GUCY2D: variants seen among roughly 807,000 people sequenced by gnomAD.
GUCY2D encodes guanylate cyclase 2D, retinal.
A neutral mutation model predicts 101.3 loss-of-function variants in GUCY2D; 70 were observed. The observed-to-expected ratio is 0.69, with a 90% CI of 0.57 to 0.84. The LOEUF (loss-of-function observed/expected upper bound fraction) is 0.84. Among genes scored for constraint, GUCY2D ranks in the 40% least tolerant of loss-of-function variants. The pLI, the probability that GUCY2D is intolerant of heterozygous loss-of-function variation, is 0.00. For synonymous variants in GUCY2D, 688 were observed against 670.7 expected (o/e 1.03, Z -0.40); for missense variants, 1,460 against 1,542.5 (o/e 0.95, Z 0.90).
Position 8,013,327 on chromosome 17 carries a change from C to T in GUCY2D, c.2263+75C>T. 6.9e-7 allele frequency: 1 copy of T among 1,444,364 alleles called. No homozygotes were observed. Among genetic ancestry groups the T allele is most frequent in the Non-Finnish European group, 9.6e-7 (1 of 1,036,442 alleles). 89.5% of individuals were successfully genotyped at this position (1,444,364 alleles called of 1,614,324 possible). ...TAGAAAAGAGCCAGCCTCACTCTTT[C>T]CTCTAAAGCAAAGCCCAGTGATGAA... On this transcript the variant is annotated intron_variant, in intron 11 of 19. Transcript: ENST00000254854. This position sits in a 1 kb window ranked among gnomAD's most constrained non-coding sequence, Gnocchi z 5.0.
chr17:8,004,127 G>C lies in GUCY2D; in HGVS notation c.997G>C (p.Glu333Gln), dbSNP rs755999834. The change falls in exon 3 of 20, where the codon GAG (glutamate) becomes CAG (glutamine). Residue 333 changes from glutamate (E) to glutamine (Q), a missense_variant. Glu to Gln is a conservative substitution (Grantham distance 29, BLOSUM62 2). Transcript: ENST00000254854. The part of the protein sequence containing the change: ...DSLRRAQERR[E>Q]LPSDLNLQQV... Reference sequence around the variant, plus strand: ...CCTGCGCAGGGCTCAAGAGCGCCGCGAGCTGCCCTCTGACCTCAATCTGCA... The same window carrying C: ...CCTGCGCAGGGCTCAAGAGCGCCGCCAGCTGCCCTCTGACCTCAATCTGCA... 2.5e-6 allele frequency: 4 copies of C among 1,596,978 alleles called. No individual in the cohort carries two copies. Among genetic ancestry groups the C allele is most frequent in the Non-Finnish European group, 3.4e-6 (4 of 1,177,264 alleles).
intron 10 of GUCY2D, 127 bp downstream of exon 10, chr17:8,012,733 C>A: frequency 1.2e-6 from 1 of 818,684 alleles, no homozygotes; most frequent in Non-Finnish European, 2.0e-6. Flanking sequence ...ACAATTCCTG[C>A]TACAGAAAAG....
At position 8,015,804 on chromosome 17, in the gene GUCY2D, G is replaced by A. The variant is rs764749298; in HGVS notation, c.3006G>A (p.Thr1002=). The A allele has an allele frequency of 1.1e-5, 18 of 1,612,778 alleles. No individual in the cohort carries two copies. In the Admixed American group the frequency reaches 1.7e-4, roughly 15 times the overall value. ...TMPRYCLFGD[T]VNTASRMEST... ...CGCGGTACTGCCTGTTTGGGGACACGGTCAACACCGCCTCGCGCATGGAGT... is the reference window on the plus strand; with the variant it reads ...CGCGGTACTGCCTGTTTGGGGACACAGTCAACACCGCCTCGCGCATGGAGT... The change falls in exon 16 of 20, where the codon ACG becomes ACA. Residue 1002 remains threonine (T), a synonymous_variant. Transcript: ENST00000254854.
In GUCY2D at chr17:8,003,877, G is replaced by A. The variant is rs148987106; in HGVS notation, c.747G>A (p.Val249=). 1.2e-6 allele frequency: 2 copies of A among 1,613,166 alleles called. No individual in the cohort carries two copies. Among genetic ancestry groups the A allele is most frequent in the Non-Finnish European group, 1.7e-6 (2 of 1,179,842 alleles). ...VTAVIMVMHS[V]LLGGEEQRYL... is the part of the protein sequence containing the mutation. ...CAGTGATCATGGTGATGCACTCGGTGCTGCTGGGTGGCGAGGAGCAGCGCT... is the reference window on the plus strand; with the variant it reads ...CAGTGATCATGGTGATGCACTCGGTACTGCTGGGTGGCGAGGAGCAGCGCT... Residue 249 remains valine (V), a synonymous_variant, in exon 3 of 20, where the codon GTG becomes GTA. Coordinates refer to ENST00000254854, the MANE Select transcript of GUCY2D (RefSeq NM_000180.4).
intron 10 of GUCY2D, 109 bp downstream of exon 10, chr17:8,012,715 C>A: frequency 1.1e-6 from 1 of 869,968 alleles, no homozygotes; most frequent in Non-Finnish European, 1.9e-6. Flanking sequence ...ATCCCACATC[C>A]ACCAGACACA....
At position 8,011,314 on chromosome 17, in the gene GUCY2D, G is replaced by A. The variant is rs1419982563; in HGVS notation, c.1750-830G>A. On this transcript the variant is annotated intron_variant, in intron 8 of 19. Coordinates refer to ENST00000254854, the MANE Select transcript of GUCY2D (RefSeq NM_000180.4). The surrounding 1 kb of genome is among the most constrained non-coding windows in gnomAD (Gnocchi z 4.3). ...GAATCGCTTGAGCTCAGGATGCGGA[G>A]GTTGCAGTGACCCGAGATTGCACGA... Among the ~76,000 whole-genome samples the A allele has an allele frequency of 1.3e-5, 2 of 152,134 alleles. No homozygotes were observed. The highest frequency in any genetic ancestry group is 2.9e-5 in the Non-Finnish European group (2 of 68,020).
chr17:8,016,620 C>T, intron 19 of GUCY2D, 66 bp downstream of exon 19: 7 of 803,850 alleles, frequency 8.7e-6, no homozygotes, highest in South Asian at 7.5e-5. Flanking sequence ...ACGTCCCACC[C>T]AAGCCAGGTG....
Position 8,012,586 on chromosome 17 carries a change from C to G in GUCY2D, c.2093C>G (p.Pro698Arg), listed in dbSNP as rs200128473. 31 of 1,613,612 alleles carry G rather than the reference C, an allele frequency of 1.9e-5. No individual in the cohort carries two copies. The East Asian group carries it at 6.2e-4, about 32-fold the overall frequency. Residue 698 changes from proline (P) to arginine (R), a missense_variant, in exon 10 of 20, where the codon CCG becomes CGG. By Grantham distance (103) the Pro-to-Arg change is moderately radical. Around this residue, in one of 3 missense-constraint regions of GUCY2D, gnomAD observed 1,196 missense variants for 1,229.6 expected, o/e 0.97. Coordinates refer to ENST00000254854, the MANE Select transcript of GUCY2D (RefSeq NM_000180.4). ...CTGCTGGAAGCACAGAAGGTGCTAC[C>G]GGAGCCTCCCAGAGCGGAGGGTAAG... is the stretch of plus-strand genomic sequence containing the variant. ...GRLLEAQKVL[P>R]EPPRAEDQLW...
In GUCY2D at chr17:8,002,684, G is replaced by C; in HGVS notation, c.-60G>C. The stretch of plus-strand genomic sequence containing the variant: ...TGGGCGGGCGTCAAAAGGGGGACCG[G>C]CCCTGTGACCCCTCACCGGGGGCCG... On this transcript the variant is annotated 5_prime_UTR_variant, in exon 1 of 20. Transcript: ENST00000254854. This position sits in a 1 kb window ranked among gnomAD's most constrained non-coding sequence, Gnocchi z 4.9. 1 of 222,186 alleles carries C rather than the reference G, an allele frequency of 4.5e-6. No homozygotes were observed. Among genetic ancestry groups the C allele is most frequent in the Non-Finnish European group, 8.2e-6 (1 of 121,780 alleles). The allele number at this position is 222,186 out of a possible 1,614,324, so 13.8% of individuals were successfully genotyped here. A position where few individuals can be genotyped will look rare whatever the true frequency, so the allele number is the denominator to read the frequency against.
At position 8,011,546 on chromosome 17, in the gene GUCY2D, G is replaced by A. The variant is rs1975851116; in HGVS notation, c.1750-598G>A. ...GTTCAGAGTTTTATGGCTGGGGCCA[G>A]GTGTGGTGGCTCAGGCCTATAATCC... On this transcript the variant is annotated intron_variant, in intron 8 of 19. Transcript: ENST00000254854. This position sits in a 1 kb window ranked among gnomAD's most constrained non-coding sequence, Gnocchi z 4.3. Among the ~76,000 whole-genome samples, 1 of 152,140 alleles carries A rather than the reference G, an allele frequency of 6.6e-6. No homozygotes were observed. The highest frequency in any genetic ancestry group is 2.4e-5 in the African/African-American group (1 of 41,424).
In GUCY2D at chr17:8,004,168, C is replaced by T. The variant is rs1229432106; in HGVS notation, c.1026+12C>T. The T allele has an allele frequency of 6.3e-6, 10 of 1,579,856 alleles. No homozygotes were observed. The highest frequency in any genetic ancestry group is 1.7e-5 in the Admixed American group (1 of 59,018). On this transcript the variant is annotated intron_variant, in intron 3 of 19. Coordinates refer to ENST00000254854, the MANE Select transcript of GUCY2D (RefSeq NM_000180.4). ...TCAATCTGCAGCAGGTAGACGGTCCCGGGAGGAGGGAAGAAGGCAAGGGAG... is the reference window on the plus strand; with the variant it reads ...TCAATCTGCAGCAGGTAGACGGTCCTGGGAGGAGGGAAGAAGGCAAGGGAG...
rs1159172631 is a variant in GUCY2D at position 8,014,923 on chromosome 17, CTG to C, written c.2643_2644del (p.Tyr882LeufsTer2). 1 of 1,613,938 alleles carries C rather than the reference CTG, an allele frequency of 6.2e-7. No individual in the cohort carries two copies. The highest frequency in any genetic ancestry group is 2.2e-5 in the East Asian group (1 of 44,888). On this transcript the variant is annotated frameshift_variant, in exon 14 of 20. Coordinates refer to ENST00000254854, the MANE Select transcript of GUCY2D (RefSeq NM_000180.4). LOFTEE classifies it high-confidence loss of function. This position sits in a 1 kb window ranked among gnomAD's most constrained non-coding sequence, Gnocchi z 4.0. ...GCCCGAGTACTTTGAGCAAGTGACA[CTG>C]TACTTTAGTGACATTGTGGGCTTCA... ...VEPEYFEQVT[L>X]YFSDIVGFTT...
rs955166567 is a variant in GUCY2D at position 8,015,037 on chromosome 17, C to T, written c.2755C>T (p.His919Tyr). 6.2e-7 allele frequency: 1 copy of T among 1,613,620 alleles called. No individual in the cohort carries two copies. Among genetic ancestry groups the T allele is most frequent in the Non-Finnish European group, 8.5e-7 (1 of 1,179,782 alleles). The change falls in exon 14 of 20, where the codon CAC becomes TAC. Residue 919 changes from histidine (H) to tyrosine (Y), a missense_variant. Around this residue, in one of 3 missense-constraint regions of GUCY2D, gnomAD observed 49 missense variants for 85.0 expected, o/e 0.58. Transcript: ENST00000254854. ...YTLFDAIIGSHDVYKVETIGD... is the reference protein window; with the variant it reads ...YTLFDAIIGSYDVYKVETIGD... ...ACTCTTTGATGCCATCATTGGTTCCCACGATGTCTACAAGGTGCAGTGTGT... is the reference window on the plus strand; with the variant it reads ...ACTCTTTGATGCCATCATTGGTTCCTACGATGTCTACAAGGTGCAGTGTGT...
chr17:8,013,792 C>A lies in GUCY2D; in HGVS notation c.2264-88C>A, dbSNP rs1005651242. 77 of 1,091,426 alleles carry A rather than the reference C, an allele frequency of 7.1e-5. No individual in the cohort carries two copies. The highest frequency in any genetic ancestry group is 9.8e-5 in the Non-Finnish European group (70 of 713,820). The allele number at this position is 1,091,426 out of a possible 1,614,324, so 67.6% of individuals were successfully genotyped here. On this transcript the variant is annotated intron_variant, in intron 11 of 19. Coordinates refer to ENST00000254854, the MANE Select transcript of GUCY2D (RefSeq NM_000180.4). This position sits in a 1 kb window ranked among gnomAD's most constrained non-coding sequence, Gnocchi z 5.0. ...AACCCCTGCCAGGCACCCCCTCCCA[C>A]ATCTTGGTCTTCAACAGTCAGGCCA...
Position 8,010,535 on chromosome 17 carries a change from G to A in GUCY2D, c.1749+949G>A, listed in dbSNP as rs558292964. On this transcript the variant is annotated intron_variant, in intron 8 of 19. Transcript: ENST00000254854. The stretch of plus-strand genomic sequence containing the variant: ...TTTAAAATGAAAAGTATCTGGGCGC[G>A]GTGGCTCACACCTGTGATCCCAGCA... Among the ~76,000 whole-genome samples the A allele has an allele frequency of 5.3e-5, 8 of 152,180 alleles. No individual in the cohort carries two copies. In the East Asian group the frequency reaches 5.8e-4, roughly 11 times the overall value.
In GUCY2D at chr17:8,006,721, G is replaced by A; in HGVS notation, c.1378+7G>A. 1 of 1,591,888 alleles carries A rather than the reference G, an allele frequency of 6.3e-7. No homozygotes were observed. Among genetic ancestry groups the A allele is most frequent in the Admixed American group, 1.7e-5 (1 of 58,146 alleles). On this transcript the variant is annotated splice_region_variant and intron_variant, in intron 4 of 19. Transcript: ENST00000254854. ...AACAACATCTGCGGTGGAGGTGAGG[G>A]CGAGCACCCCAGTCCCCACTGAGAC...
Position 8,014,798 on chromosome 17 carries a change from G to T in GUCY2D, c.2576+34G>T. 1.8e-6 allele frequency: 1 copy of T among 558,698 alleles called. No individual in the cohort carries two copies. The highest frequency in any genetic ancestry group is 3.5e-6 in the Non-Finnish European group (1 of 284,668). 34.6% of individuals were successfully genotyped at this position (558,698 alleles called of 1,614,324 possible). On this transcript the variant is annotated intron_variant, in intron 13 of 19. Transcript: ENST00000254854. The surrounding 1 kb of genome is among the most constrained non-coding windows in gnomAD (Gnocchi z 4.0). ...CAGTGGGAAGGGGTGGGCTGGGAGG[G>T]CAGCTGGAGCCCAGCCAGGTAGAGT...
At position 8,016,264 on chromosome 17, in the gene GUCY2D, C is replaced by T. The variant is rs1406444022; in HGVS notation, c.3198C>T (p.Ile1066=). The change falls in exon 18 of 20, where the codon ATC becomes ATT. Residue 1066 remains isoleucine, a synonymous_variant. Coordinates refer to ENST00000254854, the MANE Select transcript of GUCY2D (RefSeq NM_000180.4). ...LVGRRGFNKP[I]PKPPDLQPGS... is the part of the protein sequence containing the mutation. ...GCAGACGCGGCTTCAACAAGCCCAT[C>T]CCCAAACCGCCTGACCTGCAACCGG... 3 of 1,579,770 alleles carry T rather than the reference C, an allele frequency of 1.9e-6. No homozygotes were observed. Among genetic ancestry groups the T allele is most frequent in the Non-Finnish European group, 8.6e-7 (1 of 1,162,926 alleles).
chr17:8,016,026 G>A lies in GUCY2D; in HGVS notation c.3138+5G>A. ...CGAGGCCGCACGGAGCTGAAGGTGA[G>A]GCAGGGCCCCAACCCCTCCCGGAGG... On this transcript the variant is annotated splice_donor_5th_base_variant and intron_variant, in intron 17 of 19. Coordinates refer to ENST00000254854, the MANE Select transcript of GUCY2D (RefSeq NM_000180.4). The A allele has an allele frequency of 1.2e-6, 2 of 1,602,772 alleles. No individual in the cohort carries two copies. The highest frequency in any genetic ancestry group is 1.7e-6 in the Non-Finnish European group (2 of 1,175,126).
Sources: allele counts gnomAD v4.1 joint callset (sites outside exome capture counted in the v4.1 genomes callset), GRCh38; gene constraint gnomAD v4.1.1; regional missense constraint gnomAD v4.1.1; non-coding constraint Gnocchi (gnomAD v3.1); transcripts MANE v1.5; gene names NCBI Gene and HGNC (gene_info 2026-07-23, HGNC 2026-07-21).